The following DGKG variants were observed in gnomAD, a reference collection of about 807,000 sequenced individuals.
The protein encoded by DGKG is DAG kinase gamma.
In DGKG, 78 loss-of-function variants were observed where a neutral mutation model predicts 105.3. The observed-to-expected ratio is 0.74, with a 90% CI of 0.62 to 0.89. The LOEUF is 0.89. Ranked by LOEUF, DGKG falls within the 40% of genes least tolerant of loss-of-function variation. The probability of loss-of-function intolerance (pLI) is 0.00; values close to 1 mark genes in which losing one functional copy is unlikely to be tolerated. For missense variants in DGKG, 958 were observed against 1,020.1 expected (o/e 0.94, Z 0.83); for synonymous variants, 346 against 367.1 (o/e 0.94, Z 0.66).
chr3:186,335,297 G>A (rs935650687), intron 1 of DGKG, among the ~76,000 whole-genome samples: 6 of 152,164 alleles, frequency 3.9e-5, no homozygotes, highest in Admixed American at 1.3e-4. Context: ...GGCTGGTCTC[G>A]AACTACTAAC....
At chr3:186,236,938 C>T (rs1720448000) in intron 20 of DGKG, among the ~76,000 whole-genome samples, 2 of 152,246 alleles carry the variant, frequency 1.3e-5, no homozygotes. Context: ...TTAGACTTCT[C>T]TTTCTAGACA....
At chr3:186,172,787 C>T (rs773384380) in intron 22 of DGKG, among the ~76,000 whole-genome samples, 6 of 152,252 alleles carry the variant, frequency 3.9e-5, no homozygotes, top group Non-Finnish European at 8.8e-5. Context: ...GGACTAATAT[C>T]TTAATTGCTG....
chr3:186,247,125 G>A (rs1720983027), intron 19 of DGKG, among the ~76,000 whole-genome samples: 1 of 152,168 alleles, frequency 6.6e-6, no homozygotes, highest in South Asian at 2.1e-4. Context: ...AAAATCTCCT[G>A]CCAGTAGATA....
At chr3:186,244,909 C>T (rs745547973) in intron 19 of DGKG, among the ~76,000 whole-genome samples, 19 of 152,196 alleles carry the variant, frequency 1.2e-4, no homozygotes, top group Admixed American at 3.9e-4. Flanking sequence ...CAGTGAACAC[C>T]CTCAATAAGA....
chr3:186,245,372 T>C (rs1720891542), intron 19 of DGKG, among the ~76,000 whole-genome samples: 1 of 152,202 alleles, frequency 6.6e-6, no homozygotes. Context: ...TGACCACGTT[T>C]CTCTATCTGG....
At chr3:186,315,476 G>A (rs1464902062) in intron 2 of DGKG, among the ~76,000 whole-genome samples, 1 of 152,110 alleles carries the variant, frequency 6.6e-6, no homozygotes, top group Non-Finnish European at 1.5e-5. Context: ...ACAAGTTCCA[G>A]GTTGTCCATG....
intron 6 of DGKG, among the ~76,000 whole-genome samples, chr3:186,288,344 C>T (rs1723163751): frequency 6.6e-6 from 1 of 152,172 alleles, no homozygotes; most frequent in African/African-American, 2.4e-5. Context: ...TGTTGAATAT[C>T]TTTCTTTAAA....
At chr3:186,274,989 T>A (rs573071683) in intron 10 of DGKG, among the ~76,000 whole-genome samples, 9 of 152,298 alleles carry the variant, frequency 5.9e-5, no homozygotes, top group African/African-American at 2.2e-4. Flanking sequence ...GTTGAACTAG[T>A]TTACAGTCCC....
At position 186,361,702 on chromosome 3, in the gene DGKG, T is replaced by G. The variant is rs1175549954; in HGVS notation, c.-249+244A>C. On this transcript the variant is annotated intron_variant, in intron 1 of 24. Transcript: ENST00000265022. The surrounding 1 kb of genome is among the most constrained non-coding windows in gnomAD (Gnocchi z 6.8). ...CACAGCTTTGAGGCTTGAGGGGGCC[T>G]CTCAGTCGCAGAGAGAGCCGAGCCC... Among the ~76,000 whole-genome samples the G allele has an allele frequency of 1.3e-5, 2 of 152,200 alleles. No homozygotes were observed. Among genetic ancestry groups the G allele is most frequent in the East Asian group, 3.9e-4 (2 of 5,188 alleles).
intron 21 of DGKG, among the ~76,000 whole-genome samples, chr3:186,211,031 G>A (rs1578670603): frequency 6.6e-6 from 1 of 152,324 alleles, no homozygotes; most frequent in East Asian, 1.9e-4. Flanking sequence ...AGGGTGGGAA[G>A]TGGGCAGCTT....
intron 2 of DGKG, among the ~76,000 whole-genome samples, chr3:186,312,706 T>C (rs1409489760): frequency 6.6e-6 from 1 of 152,212 alleles, no homozygotes; most frequent in African/African-American, 2.4e-5. Flanking sequence ...TTCTAATTAC[T>C]CTAGGAAGTT....
Position 186,221,075 on chromosome 3 carries a change from A to G in DGKG, c.1827-9190T>C, listed in dbSNP as rs551225315. Reference sequence around the variant, plus strand: ...CAAGAAGGCTTCCCTGAGACTCATGATCCACTGTTACCAAATGTGCTCGCA... The same window carrying G: ...CAAGAAGGCTTCCCTGAGACTCATGGTCCACTGTTACCAAATGTGCTCGCA... On this transcript the variant is annotated intron_variant, in intron 20 of 24. Transcript: ENST00000265022. 1.5e-4 allele frequency among the ~76,000 whole-genome samples: 23 copies of G among 152,316 alleles called. No homozygotes were observed. In the East Asian group the frequency reaches 4.4e-3, roughly 29 times the overall value.
chr3:186,208,808 C>T (rs933569654), intron 21 of DGKG, among the ~76,000 whole-genome samples: 2 of 152,186 alleles, frequency 1.3e-5, no homozygotes, highest in African/African-American at 4.8e-5. Context: ...AGAAACAGTG[C>T]CTCCTGCTGA....
chr3:186,360,428 C>G (rs565425410), intron 1 of DGKG, among the ~76,000 whole-genome samples: 3 of 152,034 alleles, frequency 2.0e-5, no homozygotes, highest in African/African-American at 4.8e-5. Flanking sequence ...ATCAGGAGTA[C>G]GACCGGGAAG....
intron 20 of DGKG, among the ~76,000 whole-genome samples, chr3:186,215,414 A>G (rs1160790491): frequency 6.9e-6 from 1 of 145,562 alleles, no homozygotes; most frequent in Non-Finnish European, 1.5e-5. Context: ...CCCATCTCCA[A>G]AAAAAAAAAA....
chr3:186,296,761 TGGTATA>T lies in DGKG; in HGVS notation c.373+654_373+659del, dbSNP rs1578792829. ...TCCCTGGCTCCACAGGTCACACCAG[TGGTATA>T]TAATCTCTTAAGGCCTCAGTTTCTC... On this transcript the variant is annotated intron_variant, in intron 5 of 24. Coordinates refer to ENST00000265022, the MANE Select transcript of DGKG (RefSeq NM_001346.3). Among the ~76,000 whole-genome samples, 4 of 152,230 alleles carry T rather than the reference TGGTATA, an allele frequency of 2.6e-5. No individual in the cohort carries two copies. In the East Asian group the frequency reaches 7.7e-4, roughly 29 times the overall value.
intron 3 of DGKG, among the ~76,000 whole-genome samples, chr3:186,299,842 T>C (rs1411039877): frequency 1.2e-3 from 123 of 106,742 alleles, no homozygotes; most frequent in Middle Eastern, 4.4e-3. Context: ...TCTTTCTTTT[T>C]TTTTTTTTTT....
intron 1 of DGKG, 39 bp from the exon 2 acceptor site, chr3:186,320,746 TA>T (rs370123965): frequency 0.033 from 9,632 of 296,294 alleles, 160 homozygotes; most frequent in African/African-American, 0.088. Context: ...ATGAGAATGT[TA>T]AAAAAAAAAG....
intron 21 of DGKG, among the ~76,000 whole-genome samples, chr3:186,204,607 T>A (rs979836222): frequency 9.2e-5 from 14 of 152,158 alleles, no homozygotes; most frequent in Admixed American, 7.9e-4. Context: ...TCCTTTTTTT[T>A]AAATTAAATT....
Sources: allele counts gnomAD v4.1 joint callset (sites outside exome capture counted in the v4.1 genomes callset), GRCh38; gene constraint gnomAD v4.1.1; non-coding constraint Gnocchi (gnomAD v3.1); transcripts MANE v1.5; gene names NCBI Gene and HGNC (gene_info 2026-07-23, HGNC 2026-07-21).